Variants in ZFHX3 observed in about 807,000 individuals in gnomAD.
The protein encoded by ZFHX3 is zinc finger homeobox protein 3.
In ZFHX3, 42 loss-of-function variants were observed where a neutral mutation model predicts 279.1. The ratio of observed to expected loss-of-function variants is 0.15; its 90% CI spans 0.12 to 0.19. The LOEUF (loss-of-function observed/expected upper bound fraction) is 0.19, where lower values mean the gene tolerates loss of function less well. ZFHX3 is among the 10% of genes least tolerant of loss of function. The pLI is 1.00. For synonymous variants in ZFHX3, 2,293 were observed against 1,957.8 expected, an observed-to-expected ratio of 1.17 and a Z score of -4.52; for missense variants, 4,981 against 4,754.0, an observed-to-expected ratio of 1.05 and a Z score of -1.40.
At chr16:73,207,368 G>A (rs991904405) in intron 5 of ZFHX3, among the ~76,000 whole-genome samples, 3 of 152,192 alleles carry the variant, frequency 2.0e-5, no homozygotes, top group African/African-American at 7.2e-5. Flanking sequence ...AAATTAGACT[G>A]TGGCGGGGTG....
intron 1 of ZFHX3, among the ~76,000 whole-genome samples, chr16:73,768,429 A>G: frequency 6.6e-6 from 1 of 152,206 alleles, no homozygotes; most frequent in East Asian, 1.9e-4. Context: ...ATCAGTATTT[A>G]CTGAGCCCAA....
chr16:73,837,978 G>A (rs770735121), intron 1 of ZFHX3, among the ~76,000 whole-genome samples: 4 of 152,162 alleles, frequency 2.6e-5, no homozygotes, highest in Non-Finnish European at 4.4e-5. Flanking sequence ...CTTAGCAATG[G>A]TATAGGGATA....
chr16:72,936,188 C>T (rs1322724461), intron 3 of ZFHX3, among the ~76,000 whole-genome samples: 1 of 152,228 alleles, frequency 6.6e-6, no homozygotes, highest in Non-Finnish European at 1.5e-5. Context: ...ATCCACTTTA[C>T]ACCAACATAT....
chr16:72,929,010 G>A (rs977735081), intron 3 of ZFHX3, among the ~76,000 whole-genome samples: 1 of 151,924 alleles, frequency 6.6e-6, no homozygotes, highest in Admixed American at 6.5e-5. Flanking sequence ...GGCCAAGGTG[G>A]GCAGATCACT....
chr16:72,898,618 A>C (rs2038955695), intron 3 of ZFHX3, among the ~76,000 whole-genome samples: 1 of 152,130 alleles, frequency 6.6e-6, no homozygotes, highest in Non-Finnish European at 1.5e-5. Context: ...GCCTCCATGT[A>C]AACAGATTTC....
At chr16:73,762,224 A>G (rs985364697) in intron 1 of ZFHX3, among the ~76,000 whole-genome samples, 3 of 152,188 alleles carry the variant, frequency 2.0e-5, no homozygotes, top group African/African-American at 7.2e-5. Flanking sequence ...CAACAAACAT[A>G]TGAAAGAAAG....
chr16:73,182,501 A>C (rs1047986209), intron 5 of ZFHX3, among the ~76,000 whole-genome samples: 1 of 152,126 alleles, frequency 6.6e-6, no homozygotes, highest in Non-Finnish European at 1.5e-5. Flanking sequence ...AATAACTAAA[A>C]ATAGAACTAC....
chr16:73,654,554 T>C (rs1426101947), intron 2 of ZFHX3, among the ~76,000 whole-genome samples: 1 of 152,114 alleles, frequency 6.6e-6, no homozygotes, highest in East Asian at 1.9e-4. Context: ...AACATAGATA[T>C]GAAATTCCTA....
At chr16:73,383,462 G>A (rs1301295102) in intron 3 of ZFHX3, among the ~76,000 whole-genome samples, 3 of 152,222 alleles carry the variant, frequency 2.0e-5, no homozygotes, top group African/African-American at 7.2e-5. Flanking sequence ...TGGACAGGAG[G>A]GATCTCTGGA....
At chr16:73,451,697 A>G (rs775837028) in intron 3 of ZFHX3, among the ~76,000 whole-genome samples, 1 of 152,118 alleles carries the variant, frequency 6.6e-6, no homozygotes, top group Non-Finnish European at 1.5e-5. Context: ...CTCTTTTAAT[A>G]TTTCTGTTAA....
intron 7 of ZFHX3, among the ~76,000 whole-genome samples, chr16:73,112,140 T>C (rs2144799753): frequency 6.6e-6 from 1 of 152,186 alleles, no homozygotes; most frequent in East Asian, 1.9e-4. Context: ...CTCCAGAGTT[T>C]TCCATTTCTC....
At chr16:72,798,784 C>T (rs1597245719) in intron 8 of ZFHX3, 70 bp from the exon 9 acceptor site, 13 of 1,494,492 alleles carry the variant, frequency 8.7e-6, no homozygotes, top group East Asian at 6.9e-5. Flanking sequence ...GCACCCAGAG[C>T]GGTCTACCTA....
At chr16:73,347,325 G>A (rs1168303434) in intron 3 of ZFHX3, among the ~76,000 whole-genome samples, 1 of 152,240 alleles carries the variant, frequency 6.6e-6, no homozygotes, top group Non-Finnish European at 1.5e-5. Context: ...CTGCTCTCCA[G>A]GCCTGGATGC....
intron 1 of ZFHX3, among the ~76,000 whole-genome samples, chr16:73,868,783 C>T (rs562608450): frequency 9.9e-4 from 151 of 151,878 alleles, no homozygotes; most frequent in African/African-American, 3.3e-3. Flanking sequence ...TTCTTTCTTT[C>T]TTTTTTTAAT....
intron 5 of ZFHX3, among the ~76,000 whole-genome samples, chr16:73,227,570 C>T (rs977305998): frequency 6.6e-6 from 1 of 151,980 alleles, no homozygotes; most frequent in Non-Finnish European, 1.5e-5. Context: ...CAAGCTAGAC[C>T]GGGCGCAGTG....
At chr16:73,410,506 G>A (rs2017444737) in intron 3 of ZFHX3, among the ~76,000 whole-genome samples, 1 of 152,174 alleles carries the variant, frequency 6.6e-6, no homozygotes, top group Non-Finnish European at 1.5e-5. Flanking sequence ...GAGGTGATGG[G>A]TACCCCATTT....
chr16:73,210,158 TA>T (rs2011961754), intron 5 of ZFHX3, among the ~76,000 whole-genome samples: 1 of 152,154 alleles, frequency 6.6e-6, no homozygotes, highest in South Asian at 2.1e-4. Context: ...ATAAATACTG[TA>T]GCATAAAATG....
chr16:73,486,689 C>G (rs1038921823), intron 2 of ZFHX3: 1 of 425,516 alleles, frequency 2.4e-6, no homozygotes, highest in African/African-American at 2.1e-5. Context: ...TTTATTCTAG[C>G]CCAGGACTTT....
chr16:73,065,372 T>C (rs184485632), intron 8 of ZFHX3, among the ~76,000 whole-genome samples: 4 of 152,242 alleles, frequency 2.6e-5, no homozygotes, highest in African/African-American at 4.8e-5. Context: ...GAGTGCCTCT[T>C]ACCCACCACC....
Sources: allele counts gnomAD v4.1 joint callset (sites outside exome capture counted in the v4.1 genomes callset), GRCh38; gene constraint gnomAD v4.1.1; transcripts MANE v1.5; gene names NCBI Gene and HGNC (gene_info 2026-07-23, HGNC 2026-07-21).